Variants in CHCHD6 observed in about 807,000 individuals in gnomAD.
CHCHD6 encodes the protein MICOS complex subunit MIC25.
A neutral mutation model predicts 32.3 loss-of-function variants in CHCHD6; 28 were observed. The observed-to-expected ratio is 0.87, with a 90% CI of 0.64 to 1.19. The LOEUF (loss-of-function observed/expected upper bound fraction) is 1.19. Among genes scored for constraint, CHCHD6 ranks in the 50% most tolerant of loss-of-function variants. CHCHD6 has a pLI of 0.00. For synonymous variants in CHCHD6, 122 were observed against 117.5 expected (o/e 1.04, Z -0.25); for missense variants, 333 against 307.0 (o/e 1.08, Z -0.63).
intron 4 of CHCHD6, among the ~76,000 whole-genome samples, chr3:126,793,598 A>C (rs1049680984): frequency 6.6e-6 from 1 of 152,178 alleles, no homozygotes; most frequent in Non-Finnish European, 1.5e-5. Flanking sequence ...TTTTGCTTTC[A>C]AATGTCAAAC....
intron 4 of CHCHD6, among the ~76,000 whole-genome samples, chr3:126,788,342 A>C (rs895361711): frequency 2.6e-5 from 4 of 152,222 alleles, no homozygotes; most frequent in African/African-American, 9.6e-5. Flanking sequence ...GGCCTCATAA[A>C]ATGAATTAGG....
chr3:126,714,508 T>G (rs1307931379), intron 1 of CHCHD6, among the ~76,000 whole-genome samples: 7 of 152,060 alleles, frequency 4.6e-5, no homozygotes, highest in Non-Finnish European at 7.4e-5. Context: ...AAGGGGGTGA[T>G]CTTCTTCGGA....
At chr3:126,836,943 G>A (rs182471869) in intron 4 of CHCHD6, among the ~76,000 whole-genome samples, 10 of 152,304 alleles carry the variant, frequency 6.6e-5, no homozygotes, top group Admixed American at 2.0e-4. Context: ...ATCGCTTTGG[G>A]CTTTCACCGG....
intron 4 of CHCHD6, among the ~76,000 whole-genome samples, chr3:126,751,534 T>C (rs1020752970): frequency 6.7e-6 from 1 of 149,766 alleles, no homozygotes; most frequent in Non-Finnish European, 1.5e-5. Flanking sequence ...AGCGCCTGCA[T>C]TGCCCTAACT....
chr3:126,931,165 G>A (rs1004086486), intron 6 of CHCHD6, among the ~76,000 whole-genome samples: 3 of 152,226 alleles, frequency 2.0e-5, no homozygotes, highest in East Asian at 3.8e-4. Flanking sequence ...AGCACCCAAA[G>A]CCCTGACTGG....
In CHCHD6 at chr3:126,704,280, G is replaced by C. The variant is rs765810624; in HGVS notation, c.-33G>C. 1.8e-5 allele frequency: 29 copies of C among 1,575,154 alleles called. No homozygotes were observed. The highest frequency in any genetic ancestry group is 6.7e-5 in the African/African-American group (5 of 74,250). On this transcript the variant is annotated 5_prime_UTR_variant, in exon 1 of 8. Transcript: ENST00000290913. The stretch of plus-strand genomic sequence containing the variant: ...CGGTTGCTCTGGAGCCGGGTCTCGG[G>C]TCTGGTGGCTGCCGGCCCTGCGGCA...
At chr3:126,928,207 T>C (rs1489581269) in intron 6 of CHCHD6, among the ~76,000 whole-genome samples, 5 of 152,252 alleles carry the variant, frequency 3.3e-5, no homozygotes, top group Non-Finnish European at 7.3e-5. Flanking sequence ...CTGGTTCTTA[T>C]TGGACCAGGG....
At chr3:126,902,301 A>G (rs2077940037) in intron 5 of CHCHD6, among the ~76,000 whole-genome samples, 1 of 152,234 alleles carries the variant, frequency 6.6e-6, no homozygotes, top group African/African-American at 2.4e-5. Context: ...CCACTGGCCT[A>G]GAGTTGAGGG....
At chr3:126,808,094 ATGT>A (rs1939496201) in intron 4 of CHCHD6, among the ~76,000 whole-genome samples, 1 of 152,130 alleles carries the variant, frequency 6.6e-6, no homozygotes. Context: ...TTCAGTTAAG[ATGT>A]TGTTAGGGCT....
intron 5 of CHCHD6, among the ~76,000 whole-genome samples, chr3:126,868,267 A>T (rs1942356711): frequency 1.3e-5 from 2 of 152,222 alleles, no homozygotes. Flanking sequence ...CCAGTGGCAG[A>T]GCCTGGGCTG....
At chr3:126,719,052 C>T (rs1402703837) in intron 1 of CHCHD6, among the ~76,000 whole-genome samples, 2 of 152,204 alleles carry the variant, frequency 1.3e-5, no homozygotes, top group Non-Finnish European at 2.9e-5. Flanking sequence ...CTCCCACTCA[C>T]CTGTGCAGAA....
chr3:126,760,692 A>G lies in CHCHD6; in HGVS notation c.411+27470A>G, dbSNP rs1414137297. On this transcript the variant is annotated intron_variant, in intron 4 of 7. Transcript: ENST00000290913. ...CAGAATTTCTTTCCTTTTTAAAGCT[A>G]AACAATAGTCCATTGTATGGATAGG... Among the ~76,000 whole-genome samples, 8 of 152,246 alleles carry G rather than the reference A, an allele frequency of 5.3e-5. 1 individual carries two copies. Among genetic ancestry groups the G allele is most frequent in the Non-Finnish European group, 1.5e-5 (1 of 68,048 alleles).
At chr3:126,761,918 T>G (rs1361486047) in intron 4 of CHCHD6, among the ~76,000 whole-genome samples, 2 of 152,244 alleles carry the variant, frequency 1.3e-5, no homozygotes, top group African/African-American at 4.8e-5. Flanking sequence ...TTCGTCCAGG[T>G]TATCCAATTT....
chr3:126,960,082 A>G, intron 7 of CHCHD6, 114 bp from the exon 8 acceptor site: 1 of 1,288,618 alleles, frequency 7.8e-7, no homozygotes, highest in Non-Finnish European at 1.1e-6. Context: ...GAGGAGGGAG[A>G]CCAACTCACA....
chr3:126,888,425 C>T (rs1463876971), intron 5 of CHCHD6, among the ~76,000 whole-genome samples: 1 of 152,234 alleles, frequency 6.6e-6, no homozygotes, highest in Admixed American at 6.5e-5. Context: ...AATTCCTCTT[C>T]TGTTGCACTT....
chr3:126,898,415 A>T (rs1257115529), intron 5 of CHCHD6, among the ~76,000 whole-genome samples: 1 of 152,202 alleles, frequency 6.6e-6, no homozygotes, highest in Non-Finnish European at 1.5e-5. Flanking sequence ...CACCGAGGAG[A>T]CATGGGGACT....
At chr3:126,957,374 TG>T in intron 6 of CHCHD6, 41 bp from the exon 7 acceptor site, 1 of 1,597,664 alleles carries the variant, frequency 6.3e-7, no homozygotes, top group Non-Finnish European at 8.5e-7. Context: ...CCCTGCCTGC[TG>T]GCACCTGAGC....
intron 4 of CHCHD6, chr3:126,766,933 C>T (rs1434502402): frequency 9.7e-7 from 1 of 1,029,504 alleles, no homozygotes; most frequent in Non-Finnish European, 1.5e-6. Context: ...ACTGAAGCCC[C>T]AGGAGAAGAC....
At chr3:126,839,262 T>C (rs1372414952) in intron 4 of CHCHD6, among the ~76,000 whole-genome samples, 2 of 152,106 alleles carry the variant, frequency 1.3e-5, no homozygotes, top group Non-Finnish European at 2.9e-5. Flanking sequence ...GCCCCTAGCC[T>C]CCAGCCTCCA....
Sources: gnomAD v4.1 joint callset for allele counts (sites outside exome capture counted in the v4.1 genomes callset) on GRCh38, gnomAD v4.1.1 for gene constraint, MANE v1.5 for transcripts, NCBI Gene and HGNC (gene_info 2026-07-23, HGNC 2026-07-21) for gene names.